Variants in ABCC3 observed in about 807,000 individuals in gnomAD.
ABCC3 encodes ATP binding cassette subfamily C member 3.
Under a neutral mutation model 165.3 loss-of-function variants are expected in ABCC3, and 121 were observed. That is an observed-to-expected ratio of 0.73 (90% CI 0.63 to 0.85). The LOEUF is 0.85. Ranked by LOEUF, ABCC3 falls within the 40% of genes least tolerant of loss-of-function variation. The probability of loss-of-function intolerance (pLI) is 0.00; values close to 1 mark genes in which losing one functional copy is unlikely to be tolerated. For synonymous variants in ABCC3, 733 were observed against 810.1 expected, an observed-to-expected ratio of 0.90 and a Z score of 1.62; for missense variants, 1,869 against 1,964.1, an observed-to-expected ratio of 0.95 and a Z score of 0.92.
chr17:50,667,516 G>C, intron 11 of ABCC3, 38 bp from the exon 12 acceptor site: 1 of 1,566,962 alleles, frequency 6.4e-7, no homozygotes, highest in Non-Finnish European at 8.7e-7. Flanking sequence ...TCAGGGGAGG[G>C]AGCAGGTGTG....
At chr17:50,647,867 C>T (rs186405509) in intron 1 of ABCC3, among the ~76,000 whole-genome samples, 167 of 152,220 alleles carry the variant, frequency 1.1e-3, no homozygotes, top group African/African-American at 3.8e-3. Flanking sequence ...GGCAAAACCC[C>T]GTCTGTACTA....
intron 25 of ABCC3, 144 bp from the exon 26 acceptor site, chr17:50,679,654 G>A: frequency 1.5e-6 from 1 of 684,496 alleles, no homozygotes; most frequent in East Asian, 2.6e-5. Flanking sequence ...TGGCATGCCT[G>A]TGGGCTTGAT....
chr17:50,671,807 C>T (rs888877493), intron 17 of ABCC3, among the ~76,000 whole-genome samples: 18 of 147,694 alleles, frequency 1.2e-4, no homozygotes, highest in African/African-American at 4.0e-4. Context: ...CTGCAACCTC[C>T]GCCTCCCAGG....
intron 24 of ABCC3, 37 bp from the exon 25 acceptor site, chr17:50,678,055 GC>G: frequency 6.2e-7 from 1 of 1,613,448 alleles, no homozygotes. Context: ...GCCCTGCCCT[GC>G]CCCTGCCCCA....
intron 28 of ABCC3, 128 bp from the exon 29 acceptor site, chr17:50,684,581 C>T: frequency 1.9e-6 from 2 of 1,026,048 alleles, no homozygotes; most frequent in Non-Finnish European, 2.8e-6. Flanking sequence ...GCCATTGTGT[C>T]CTCTGGGGAG....
rs373876598 is a variant in ABCC3 at position 50,676,124 on chromosome 17, A to G, written c.3067+34A>G. ...GTGGGGGTGTCCAGAAGGGGCTCCA[A>G]TATCCCTTCTTCTCTGGGCTGCCAG... On this transcript the variant is annotated intron_variant, in intron 22 of 30. Transcript: ENST00000285238. The G allele has an allele frequency of 4.0e-5, 65 of 1,610,944 alleles. No individual in the cohort carries two copies. The African/African-American group carries it at 7.6e-4, about 19-fold the overall frequency.
rs764269748 is a variant in ABCC3, at chr17:50,657,014, T to G, written c.349-32T>G. The G allele has an allele frequency of 3.1e-6, 5 of 1,605,022 alleles. No homozygotes were observed. In the African/African-American group the frequency reaches 5.4e-5, roughly 17 times the overall value. Reference sequence around the variant, plus strand: ...TGGAGGCAGGTCCAGATGTGTGTGTTCTGCCCGGGCCTCCCTGCCCTCCCT... The same window carrying G: ...TGGAGGCAGGTCCAGATGTGTGTGTGCTGCCCGGGCCTCCCTGCCCTCCCT... On this transcript the variant is annotated intron_variant, in intron 3 of 30. Transcript: ENST00000285238.
At chr17:50,690,337 C>T (rs1048315361) in intron 30 of ABCC3, among the ~76,000 whole-genome samples, 50 of 79,338 alleles carry the variant, frequency 6.3e-4, no homozygotes, top group East Asian at 1.0e-3. Flanking sequence ...TTGGGATCGG[C>T]GGGAGGGGAG....
chr17:50,659,357 G>T lies in ABCC3; in HGVS notation c.795G>T (p.Lys265Asn). 6.2e-7 allele frequency: 1 copy of T among 1,610,000 alleles called. No homozygotes were observed. Among genetic ancestry groups the T allele is most frequent in the Non-Finnish European group, 8.5e-7 (1 of 1,176,824 alleles). ...QLLEAWRKQE[K>N]QTARHKASAA... ...TGGAGGCATGGAGGAAGCAGGAAAA[G>T]CAGACGGCACGGTGAGGCCCTCCCC... The change falls in exon 7 of 31, where the codon AAG becomes AAT. Residue 265 changes from lysine (K) to asparagine (N), a missense_variant. Physicochemically the swap from Lys to Asn is moderately conservative, Grantham distance 94. Transcript: ENST00000285238.
intron 17 of ABCC3, among the ~76,000 whole-genome samples, chr17:50,670,337 C>A (rs1967621885): frequency 6.6e-6 from 1 of 152,166 alleles, no homozygotes; most frequent in African/African-American, 2.4e-5. Context: ...CCCGCCTCAG[C>A]CTCTCAAAGT....
chr17:50,676,507 C>T lies in ABCC3; in HGVS notation c.3297C>T (p.Ser1099=). 1 of 1,613,758 alleles carries T rather than the reference C, an allele frequency of 6.2e-7. No homozygotes were observed. The change falls in exon 23 of 31, where the codon TCC becomes TCT. Residue 1099 remains serine (S), a synonymous_variant. Transcript: ENST00000285238. ...MLLNSFFNAI[S]TLVVIMASTP... is the part of the protein sequence containing the mutation. ...TCAATTCCTTCTTCAACGCCATCTC[C>T]ACTCTTGTGGTCATCATGGCCAGCA...
chr17:50,666,236 C>T (rs1340192858), intron 11 of ABCC3, among the ~76,000 whole-genome samples: 1 of 152,128 alleles, frequency 6.6e-6, no homozygotes, highest in African/African-American at 2.4e-5. Context: ...CTTTGGGAGG[C>T]CGAGGCAGGT....
intron 29 of ABCC3, among the ~76,000 whole-genome samples, chr17:50,686,067 G>A (rs912523260): frequency 6.6e-6 from 1 of 152,292 alleles, no homozygotes; most frequent in East Asian, 1.9e-4. Flanking sequence ...GATGGCGGGC[G>A]CCTGTAATCC....
At chr17:50,689,653 T>C (rs1004883378) in intron 30 of ABCC3, among the ~76,000 whole-genome samples, 1 of 152,220 alleles carries the variant, frequency 6.6e-6, no homozygotes. Context: ...CAGCCAGCAG[T>C]GTCTTGGGAG....
chr17:50,672,536 C>G (rs2146626524), intron 17 of ABCC3, among the ~76,000 whole-genome samples: 1 of 152,300 alleles, frequency 6.6e-6, no homozygotes, highest in Admixed American at 6.5e-5. Flanking sequence ...CAGGGACAGA[C>G]TAGGCCCCAT....
At chr17:50,655,404 C>CAAAAAAAAAAAAAAAAAAAAA (rs58586394) in intron 1 of ABCC3, among the ~76,000 whole-genome samples, 1 of 56,534 alleles carries the variant, frequency 1.8e-5, no homozygotes, top group Non-Finnish European at 3.1e-5. Flanking sequence ...GACTCTGTCT[C>CAAAAAAAAAAAAAAAAAAAAA]AAAAAAAAAA....
chr17:50,662,637 CAAAAAAA>C (rs60389534), intron 8 of ABCC3, among the ~76,000 whole-genome samples: 22 of 74,904 alleles, frequency 2.9e-4, no homozygotes, highest in Admixed American at 2.2e-3. Flanking sequence ...GACCCTGTCT[CAAAAAAA>C]AAAAAAAAAA....
At chr17:50,668,965 GA>G in intron 15 of ABCC3, 46 bp downstream of exon 15, 1 of 1,606,914 alleles carries the variant, frequency 6.2e-7, no homozygotes, top group Non-Finnish European at 8.5e-7. Flanking sequence ...CGGTGGGCTG[GA>G]AGTTCAGATC....
Position 50,655,225 on chromosome 17 carries a change from G to A in ABCC3, c.46-607G>A, listed in dbSNP as rs568725209. On this transcript the variant is annotated intron_variant, in intron 1 of 30. Coordinates refer to ENST00000285238, the MANE Select transcript of ABCC3 (RefSeq NM_003786.4). ...GATCGAGACCATCCTGGCCAACATG[G>A]TGAAACCCCGTCTCTACTAAAAATA... Among the ~76,000 whole-genome samples, 9 of 150,832 alleles carry A rather than the reference G, an allele frequency of 6.0e-5. No individual in the cohort carries two copies. In the South Asian group the frequency reaches 1.9e-3, roughly 32 times the overall value.
Sources: gnomAD v4.1 joint callset for allele counts (sites outside exome capture counted in the v4.1 genomes callset) on GRCh38, gnomAD v4.1.1 for gene constraint, MANE v1.5 for transcripts, NCBI Gene and HGNC (gene_info 2026-07-23, HGNC 2026-07-21) for gene names.